ERBB2: variants seen among roughly 807,000 people sequenced by gnomAD.
The protein encoded by ERBB2 is erb-b2 receptor tyrosine kinase 2.
ERBB2 carries 61 observed loss-of-function variants against 149.0 expected under a neutral mutation model. That is an observed-to-expected ratio of 0.41 (90% CI 0.33 to 0.51). ERBB2 has a LOEUF of 0.51. Ranked by LOEUF, ERBB2 falls within the 20% of genes least tolerant of loss-of-function variation. ERBB2 has a pLI of 0.25. For synonymous variants in ERBB2, 633 were observed against 678.8 expected (o/e 0.93, Z 1.05); for missense variants, 1,205 against 1,655.1 (o/e 0.73, Z 4.72).
At position 39,715,814 on chromosome 17, in the gene ERBB2, G is replaced by A; in HGVS notation, c.1388G>A (p.Ser463Asn). ...CTGCGCTCACTGAGGGAACTGGGCA[G>A]TGGACTGGCCCTCATCCACCATAAC... is the stretch of plus-strand genomic sequence containing the variant. ...LGLRSLRELG[S>N]GLALIHHNTH... Residue 463 changes from serine (S) to asparagine (N), a missense_variant, in exon 12 of 27, where the codon AGT (serine) becomes AAT (asparagine). By Grantham distance (46) the Ser-to-Asn change is conservative. Coordinates refer to ENST00000269571, the MANE Select transcript of ERBB2 (RefSeq NM_004448.4). 1 of 1,611,108 alleles carries A rather than the reference G, an allele frequency of 6.2e-7. No individual in the cohort carries two copies. Among genetic ancestry groups the A allele is most frequent in the Non-Finnish European group, 8.5e-7 (1 of 1,180,014 alleles).
Position 39,723,817 on chromosome 17 carries a change from G to C in ERBB2, c.2209-95G>C, listed in dbSNP as rs1034363840. The stretch of plus-strand genomic sequence containing the variant: ...GGGAGCGGGGCCAAGCCCTAGGGTG[G>C]TGAAGGATGTTTGGAGGACAAGTAA... On this transcript the variant is annotated intron_variant, in intron 18 of 26. Coordinates refer to ENST00000269571, the MANE Select transcript of ERBB2 (RefSeq NM_004448.4). This position sits in a 1 kb window ranked among gnomAD's most constrained non-coding sequence, Gnocchi z 6.2. 13 of 1,493,060 alleles carry C rather than the reference G, an allele frequency of 8.7e-6. No homozygotes were observed. In the South Asian group the frequency reaches 1.3e-4, roughly 15 times the overall value. 92.5% of individuals were successfully genotyped at this position (1,493,060 alleles called of 1,614,324 possible).
rs1233920140 is a variant in ERBB2 at position 39,726,552 on chromosome 17, C to G, written c.2873-10C>G. ...CTGGGACTAGCATGCTGACCTCCCT[C>G]CTGCCCCAGGTTGGATGATTGACTC... On this transcript the variant is annotated splice_polypyrimidine_tract_variant and intron_variant, in intron 23 of 26. Transcript: ENST00000269571. This position sits in a 1 kb window ranked among gnomAD's most constrained non-coding sequence, Gnocchi z 5.1. The G allele has an allele frequency of 1.2e-6, 2 of 1,613,342 alleles. No homozygotes were observed. The highest frequency in any genetic ancestry group is 2.2e-5 in the East Asian group (1 of 44,860).
At chr17:39,709,949 A>G (rs1344808791) in intron 5 of ERBB2, 68 bp downstream of exon 5, 5 of 1,530,254 alleles carry the variant, frequency 3.3e-6, no homozygotes, top group Non-Finnish European at 4.5e-6. Flanking sequence ...CAGGTGTCAT[A>G]CAGGTGACAT....
chr17:39,708,842 C>T (rs2058622544), intron 3 of ERBB2, among the ~76,000 whole-genome samples: 1 of 152,178 alleles, frequency 6.6e-6, no homozygotes. Context: ...CGACTCTGCC[C>T]CAGAGTCTGG....
rs2143316162 is a variant in ERBB2 at position 39,727,971 on chromosome 17, C to T, written c.3695C>T (p.Ala1232Val). ...YWDQDPPERG[A>V]PPSTFKGTPT... Reference sequence around the variant, plus strand: ...GACCAGGACCCACCAGAGCGGGGGGCTCCACCCAGCACCTTCAAAGGGACA... The same window carrying T: ...GACCAGGACCCACCAGAGCGGGGGGTTCCACCCAGCACCTTCAAAGGGACA... Residue 1232 changes from alanine (A) to valine (V), a missense_variant, in exon 27 of 27, where the codon GCT (alanine) becomes GTT (valine). By Grantham distance (64) the Ala-to-Val change is moderately conservative (BLOSUM62 0). This residue lies in a region of ERBB2 where 312 missense variants were observed against 343.8 expected (regional missense o/e 0.91). Coordinates refer to ENST00000269571, the MANE Select transcript of ERBB2 (RefSeq NM_004448.4). This position sits in a 1 kb window ranked among gnomAD's most constrained non-coding sequence, Gnocchi z 4.3. 1 of 1,613,676 alleles carries T rather than the reference C, an allele frequency of 6.2e-7. No individual in the cohort carries two copies. The highest frequency in any genetic ancestry group is 8.5e-7 in the Non-Finnish European group (1 of 1,179,978).
Position 39,716,058 on chromosome 17 carries a change from T to C in ERBB2, c.1513+119T>C, listed in dbSNP as rs1597874036. ...ACTGCCCGTCTCTGTGCACCCTTCT[T>C]GACTCAGCACAGCTCTGGCTGGCTT... On this transcript the variant is annotated intron_variant, in intron 12 of 26. Transcript: ENST00000269571. 2.6e-6 allele frequency: 3 copies of C among 1,149,382 alleles called. No individual in the cohort carries two copies. The East Asian group carries it at 7.6e-5, about 29-fold the overall frequency. The allele number at this position is 1,149,382 out of a possible 1,614,324, so 71.2% of individuals were successfully genotyped here. A position where few individuals can be genotyped will look rare whatever the true frequency, so the allele number is the denominator to read the frequency against.
chr17:39,696,976 G>A (rs377212420), upstream of ERBB2, among the ~76,000 whole-genome samples: 4 of 152,302 alleles, frequency 2.6e-5, no homozygotes, highest in East Asian at 3.9e-4. Context: ...CCAGGTCAGC[G>A]CATCCTCTTC....
At chr17:39,709,496 G>A (rs2145479947) in intron 4 of ERBB2, 44 bp downstream of exon 4, 1 of 1,608,626 alleles carries the variant, frequency 6.2e-7, no homozygotes, top group South Asian at 1.1e-5. Flanking sequence ...CAGACAGCCT[G>A]ACCCCAGCCG....
At position 39,715,472 on chromosome 17, in the gene ERBB2, G is replaced by C. The variant is rs1337551062; in HGVS notation, c.1249G>C (p.Asp417His). ...TGYLYISAWPDSLPDLSVFQN... is the reference protein window; with the variant it reads ...TGYLYISAWPHSLPDLSVFQN... ...TTACCTATACATCTCAGCATGGCCGGACAGCCTGCCTGACCTCAGCGTCTT... is the reference window on the plus strand; with the variant it reads ...TTACCTATACATCTCAGCATGGCCGCACAGCCTGCCTGACCTCAGCGTCTT... Residue 417 changes from aspartate to histidine, a missense_variant, in exon 11 of 27, where the codon GAC becomes CAC. By Grantham distance (81) the Asp-to-His change is moderately conservative. This residue lies in a region of ERBB2 where 569 missense variants were observed against 803.5 expected (regional missense o/e 0.71). Coordinates refer to ENST00000269571, the MANE Select transcript of ERBB2 (RefSeq NM_004448.4). 6.2e-7 allele frequency: 1 copy of C among 1,614,026 alleles called. No homozygotes were observed. Among genetic ancestry groups the C allele is most frequent in the African/African-American group, 1.3e-5 (1 of 74,904 alleles).
chr17:39,715,989 A>C, intron 12 of ERBB2, 50 bp downstream of exon 12: 1 of 1,562,592 alleles, frequency 6.4e-7, no homozygotes, highest in Non-Finnish European at 8.7e-7. Context: ...AGCACACAGC[A>C]GTGCCCAGGG....
At chr17:39,693,084 GA>G (rs2057749464), upstream of ERBB2, among the ~76,000 whole-genome samples, 1 of 152,032 alleles carries the variant, frequency 6.6e-6, no homozygotes, top group Non-Finnish European at 1.5e-5. Flanking sequence ...AAAACACAAA[GA>G]AAAAATGTAA....
upstream of ERBB2, chr17:39,699,996 G>A: frequency 4.7e-6 from 6 of 1,267,398 alleles, no homozygotes; most frequent in Non-Finnish European, 5.9e-6. Context: ...CCAATCACAG[G>A]AGAAGGAGGA....
rs2143270774 is a variant in ERBB2, at chr17:39,727,604, C to T, written c.3412+57C>T. The T allele has an allele frequency of 6.4e-7, 1 of 1,574,048 alleles. No homozygotes were observed. The highest frequency in any genetic ancestry group is 8.6e-7 in the Non-Finnish European group (1 of 1,165,722). ...TGGGCAGGGGAGGTGGGACCTTCAG[C>T]CCAGGGTCCACTGTGGGGGCAGAGG... is the stretch of plus-strand genomic sequence containing the variant. On this transcript the variant is annotated intron_variant, in intron 26 of 26. Transcript: ENST00000269571. The surrounding 1 kb of genome is among the most constrained non-coding windows in gnomAD (Gnocchi z 4.3).
Position 39,711,921 on chromosome 17 carries a change from T to C in ERBB2, c.902-7T>C. 1 of 1,614,098 alleles carries C rather than the reference T, an allele frequency of 6.2e-7. No individual in the cohort carries two copies. The highest frequency in any genetic ancestry group is 2.2e-5 in the East Asian group (1 of 44,880). On this transcript the variant is annotated splice_polypyrimidine_tract_variant and splice_region_variant and intron_variant, in intron 7 of 26. Coordinates refer to ENST00000269571, the MANE Select transcript of ERBB2 (RefSeq NM_004448.4). ...GGTATGTGGCTACATGTTCCTGATC[T>C]CCTTAGACAACTACCTTTCTACGGA... is the stretch of plus-strand genomic sequence containing the variant.
Position 39,727,636 on chromosome 17 carries a change from C to T in ERBB2, c.3413-53C>T, listed in dbSNP as rs1296120691. 3.9e-6 allele frequency: 6 copies of T among 1,552,344 alleles called. No homozygotes were observed. The East Asian group carries it at 6.7e-5, about 17-fold the overall frequency. On this transcript the variant is annotated intron_variant, in intron 26 of 26. Coordinates refer to ENST00000269571, the MANE Select transcript of ERBB2 (RefSeq NM_004448.4). This position sits in a 1 kb window ranked among gnomAD's most constrained non-coding sequence, Gnocchi z 4.3. ...TCCACTGTGGGGGCAGAGGGAGTGG[C>T]AGAGACACCGGGGTTCCTTCCCCTA...
chr17:39,724,526 G>A (rs1453977743), intron 19 of ERBB2, among the ~76,000 whole-genome samples, 200 bp from the exon 20 acceptor site: 1 of 151,922 alleles, frequency 6.6e-6, no homozygotes, highest in African/African-American at 2.4e-5. Flanking sequence ...CCAAAGTGCT[G>A]GGATTACAGG....
At position 39,709,558 on chromosome 17, in the gene ERBB2, A is replaced by G. The variant is rs927445774; in HGVS notation, c.574+106A>G. On this transcript the variant is annotated intron_variant, in intron 4 of 26. Coordinates refer to ENST00000269571, the MANE Select transcript of ERBB2 (RefSeq NM_004448.4). ...CTGCCCGCCACTGCCCCAGCCGCCT[A>G]CACCACCCATTTCCTCCCTCTCTGT... 1.3e-5 allele frequency: 17 copies of G among 1,346,298 alleles called. No homozygotes were observed. The Admixed American group carries it at 1.9e-4, about 15-fold the overall frequency. 83.4% of individuals were successfully genotyped at this position (1,346,298 alleles called of 1,614,324 possible). A position where few individuals can be genotyped will look rare whatever the true frequency, so the allele number is the denominator to read the frequency against.
intron 12 of ERBB2, 100 bp downstream of exon 12, chr17:39,716,039 C>T (rs564189230): frequency 2.2e-5 from 27 of 1,233,902 alleles, no homozygotes; most frequent in Admixed American, 1.0e-4. Context: ...GCAGACTGCC[C>T]GTCTCTGTGC....
chr17:39,717,745 A>AT, intron 15 of ERBB2: 1 of 280,774 alleles, frequency 3.6e-6, no homozygotes, highest in Admixed American at 4.9e-5. Context: ...ATAAGTTAAC[A>AT]TATATTAATA....
Sources: gnomAD v4.1 joint callset for allele counts (sites outside exome capture counted in the v4.1 genomes callset) on GRCh38, gnomAD v4.1.1 for gene constraint, gnomAD v4.1.1 regional missense constraint, Gnocchi (gnomAD v3.1) non-coding constraint, MANE v1.5 for transcripts, NCBI Gene and HGNC (gene_info 2026-07-23, HGNC 2026-07-21) for gene names.